SPATA1: variants seen among roughly 807,000 people sequenced by gnomAD.
SPATA1 encodes the protein spermatogenesis associated 1.
SPATA1 carries 57 observed loss-of-function variants against 59.6 expected under a neutral mutation model. That is an observed-to-expected ratio of 0.96 (90% CI 0.77 to 1.19). The LOEUF (loss-of-function observed/expected upper bound fraction) is 1.19, where lower values mean the gene tolerates loss of function less well. SPATA1 is among the 50% of genes most tolerant of loss of function. The pLI is 0.00. For synonymous variants in SPATA1, 147 were observed against 163.9 expected, an observed-to-expected ratio of 0.90 and a Z score of 0.79; for missense variants, 448 against 480.7, an observed-to-expected ratio of 0.93 and a Z score of 0.64.
At chr1:84,521,252 C>T (rs993349215) in intron 3 of SPATA1, among the ~76,000 whole-genome samples, 1 of 152,160 alleles carries the variant, frequency 6.6e-6, no homozygotes, top group African/African-American at 2.4e-5. Flanking sequence ...AATATATCTA[C>T]AACGCCTCTT....
intron 4 of SPATA1, among the ~76,000 whole-genome samples, chr1:84,564,940 G>A (rs1330168227): frequency 4.6e-5 from 7 of 152,034 alleles, no homozygotes; most frequent in African/African-American, 1.4e-4. Flanking sequence ...TCAGGGGGCT[G>A]AGGTTGGGGG....
chr1:84,519,466 T>C (rs1236414608), intron 2 of SPATA1, among the ~76,000 whole-genome samples: 1 of 152,050 alleles, frequency 6.6e-6, no homozygotes, highest in Non-Finnish European at 1.5e-5. Context: ...AAGAAGCATA[T>C]ATATAAATAT....
chr1:84,544,114 C>A, intron 8 of SPATA1, 88 bp from the exon 9 acceptor site: 1 of 832,304 alleles, frequency 1.2e-6, no homozygotes, highest in Non-Finnish European at 1.9e-6. Context: ...GAATGCATTT[C>A]TGGTTTGCAT....
chr1:84,566,938 C>T (rs2102028760), downstream of SPATA1, among the ~76,000 whole-genome samples: 1 of 152,306 alleles, frequency 6.6e-6, no homozygotes, highest in South Asian at 2.1e-4. Context: ...CCTTATCTTT[C>T]ATTTTGAATA....
chr1:84,522,563 C>T, intron 4 of SPATA1, 56 bp downstream of exon 4: 1 of 883,714 alleles, frequency 1.1e-6, no homozygotes, highest in Admixed American at 2.8e-5. Context: ...TCTCAAATTA[C>T]ATTTCTTAAA....
At chr1:84,539,320 C>A (rs879183699) in intron 8 of SPATA1, among the ~76,000 whole-genome samples, 4 of 152,170 alleles carry the variant, frequency 2.6e-5, no homozygotes, top group African/African-American at 9.7e-5. Flanking sequence ...ACAGCACACA[C>A]AAACAAGAGA....
chr1:84,553,253 TG>T, exon 13 of SPATA1: 1 of 541,422 alleles, frequency 1.8e-6, no homozygotes, highest in Non-Finnish European at 3.2e-6. Context: ...ACTTTCCATG[TG>T]GGTATTACAA....
intron 6 of SPATA1, among the ~76,000 whole-genome samples, chr1:84,528,653 C>T (rs1203199000): frequency 6.6e-6 from 1 of 152,162 alleles, no homozygotes; most frequent in East Asian, 1.9e-4. Context: ...CAGCTTGGGA[C>T]TATTACAAAT....
At chr1:84,528,149 C>T (rs904112542) in intron 6 of SPATA1, among the ~76,000 whole-genome samples, 9 of 152,194 alleles carry the variant, frequency 5.9e-5, no homozygotes, top group Admixed American at 2.0e-4. Flanking sequence ...TCTGGTCACA[C>T]TTCTTCCTTC....
chr1:84,523,908 A>C (rs957617057), intron 4 of SPATA1, among the ~76,000 whole-genome samples: 32 of 151,978 alleles, frequency 2.1e-4, no homozygotes, highest in Non-Finnish European at 2.8e-4. Flanking sequence ...CAATTTCTAA[A>C]ATCCTTCTAA....
intron 2 of SPATA1, among the ~76,000 whole-genome samples, chr1:84,519,262 T>G (rs547784669): frequency 1.3e-5 from 2 of 152,196 alleles, no homozygotes; most frequent in East Asian, 3.8e-4. Flanking sequence ...GCTAATGGTT[T>G]TAATGAAAAT....
intron 8 of SPATA1, among the ~76,000 whole-genome samples, chr1:84,543,094 C>A (rs1683964236): frequency 6.6e-6 from 1 of 152,134 alleles, no homozygotes; most frequent in African/African-American, 2.4e-5. Flanking sequence ...CTCTCTCTCT[C>A]TAAAAGTATC....
intron 2 of SPATA1, among the ~76,000 whole-genome samples, chr1:84,519,112 T>C (rs946951159): frequency 6.6e-6 from 1 of 151,818 alleles, no homozygotes; most frequent in African/African-American, 2.4e-5. Flanking sequence ...TTAGTAAAAT[T>C]AATGCAAAAA....
At chr1:84,534,498 G>T (rs141087640) in intron 8 of SPATA1, among the ~76,000 whole-genome samples, 63 of 152,162 alleles carry the variant, frequency 4.1e-4, no homozygotes, top group Middle Eastern at 3.4e-3. Context: ...GCACAGAGAG[G>T]TTCCATGGCT....
intron 4 of SPATA1, 134 bp from the exon 14 acceptor site, chr1:84,565,727 C>A (rs1290311532): frequency 7.8e-6 from 4 of 510,288 alleles, no homozygotes; most frequent in Non-Finnish European, 1.2e-5. Context: ...TTGAAGCAAG[C>A]CTTACAATTG....
intron 10 of SPATA1, 104 bp from the exon 11 acceptor site, chr1:84,548,682 G>A: frequency 7.9e-7 from 1 of 1,261,230 alleles, no homozygotes. Context: ...GGTTTAAATT[G>A]ACATTAGCTC....
downstream of SPATA1, among the ~76,000 whole-genome samples, chr1:84,556,639 G>A (rs1684438548): frequency 6.7e-6 from 1 of 148,362 alleles, no homozygotes; most frequent in Admixed American, 6.8e-5. Context: ...TTGAACCCAG[G>A]AGACGGAGGT....
intron 4 of SPATA1, among the ~76,000 whole-genome samples, chr1:84,522,911 C>CTT (rs370552721): frequency 3.5e-5 from 5 of 143,540 alleles, no homozygotes; most frequent in Non-Finnish European, 1.5e-5. Flanking sequence ...TTGGTGTCAA[C>CTT]TTTTTTTTTT....
intron 6 of SPATA1, among the ~76,000 whole-genome samples, chr1:84,526,982 G>A (rs1403590939): frequency 6.6e-6 from 1 of 151,232 alleles, no homozygotes; most frequent in African/African-American, 2.4e-5. Flanking sequence ...AAAAAAGATA[G>A]GTAATTTAAA....
Sources: gnomAD v4.1 joint callset for allele counts (sites outside exome capture counted in the v4.1 genomes callset) on GRCh38, gnomAD v4.1.1 for gene constraint, MANE v1.5 for transcripts, NCBI Gene and HGNC (gene_info 2026-07-23, HGNC 2026-07-21) for gene names.